The following PREP variants were observed in gnomAD, a reference collection of about 807,000 sequenced individuals.
PREP encodes the protein prolyl endopeptidase.
A neutral mutation model predicts 87.6 loss-of-function variants in PREP; 29 were observed. The observed-to-expected ratio is 0.33, with a 90% CI of 0.25 to 0.45. The LOEUF is 0.45. Ranked by LOEUF, PREP falls within the 20% of genes least tolerant of loss-of-function variation. PREP has a pLI of 1.00. For synonymous variants in PREP, 337 were observed against 328.6 expected, an observed-to-expected ratio of 1.03 and a Z score of -0.28; for missense variants, 695 against 886.5, an observed-to-expected ratio of 0.78 and a Z score of 2.74.
intron 10 of PREP, among the ~76,000 whole-genome samples, chr6:105,307,030 T>C (rs1295360383): frequency 6.6e-6 from 1 of 152,210 alleles, no homozygotes; most frequent in Non-Finnish European, 1.5e-5. Context: ...TTTGGAAAGC[T>C]TTTAGACAAG....
chr6:105,330,238 T>C (rs1301208718), intron 8 of PREP, among the ~76,000 whole-genome samples: 1 of 152,142 alleles, frequency 6.6e-6, no homozygotes, highest in Non-Finnish European at 1.5e-5. Context: ...AGGATGCACG[T>C]GTCTAACAGC....
intron 2 of PREP, among the ~76,000 whole-genome samples, chr6:105,379,368 T>C (rs1442137006): frequency 6.6e-6 from 1 of 152,218 alleles, no homozygotes; most frequent in East Asian, 1.9e-4. Flanking sequence ...ATTAAAAACA[T>C]CAAGGAGGAA....
rs1769898859 is a variant in PREP at position 105,274,613 on chromosome 6, A to G, written c.*3531T>C. Among the ~76,000 whole-genome samples, 1 of 152,122 alleles carries G rather than the reference A, an allele frequency of 6.6e-6. No homozygotes were observed. ...AAACCCCATCTCTACTAAAAATACA[A>G]AAAGATTAGCCGGGAATGATGGTAT... On this transcript the variant is annotated 3_prime_UTR_variant, in exon 15 of 15. Coordinates refer to ENST00000652536, the MANE Select transcript of PREP (RefSeq NM_002726.5).
At chr6:105,317,517 A>G (rs1236800354) in intron 10 of PREP, among the ~76,000 whole-genome samples, 2 of 152,234 alleles carry the variant, frequency 1.3e-5, no homozygotes, top group Non-Finnish European at 2.9e-5. Flanking sequence ...TCCTGAGGCC[A>G]GAATCATATT....
intron 10 of PREP, among the ~76,000 whole-genome samples, chr6:105,321,495 AG>A (rs1207978629): frequency 3.3e-5 from 5 of 152,186 alleles, no homozygotes; most frequent in Admixed American, 6.5e-5. Context: ...TGTGGCTGTT[AG>A]GTTTGTATTC....
At chr6:105,379,114 T>C (rs942931697) in intron 2 of PREP, among the ~76,000 whole-genome samples, 15 of 152,238 alleles carry the variant, frequency 9.9e-5, no homozygotes, top group African/African-American at 3.4e-4. Flanking sequence ...ACAGGTCACA[T>C]TTCTGATTTC....
At chr6:105,349,673 G>T (rs1479932796) in intron 7 of PREP, among the ~76,000 whole-genome samples, 1 of 151,866 alleles carries the variant, frequency 6.6e-6, no homozygotes, top group African/African-American at 2.4e-5. Context: ...GGCTTTAAGG[G>T]AAAACAGCTT....
rs559358603 is a variant in PREP, at chr6:105,402,545, C to G, written c.45+302G>C. Among the ~76,000 whole-genome samples the G allele has an allele frequency of 2.0e-5, 3 of 152,332 alleles. No homozygotes were observed. The East Asian group carries it at 5.8e-4, about 29-fold the overall frequency. Reference sequence around the variant, plus strand: ...AAAGCAGTGACACCGTCTGTCTTCCCACTCCCTGAAGACACCCATTCTACC... The same window carrying G: ...AAAGCAGTGACACCGTCTGTCTTCCGACTCCCTGAAGACACCCATTCTACC... On this transcript the variant is annotated intron_variant, in intron 1 of 14. Transcript: ENST00000652536.
At chr6:105,312,275 A>T (rs1223292511) in intron 10 of PREP, among the ~76,000 whole-genome samples, 2 of 152,220 alleles carry the variant, frequency 1.3e-5, no homozygotes. Context: ...AGGCATATGT[A>T]TACAAATGTA....
intron 10 of PREP, among the ~76,000 whole-genome samples, chr6:105,316,009 T>A (rs188422512): frequency 1.3e-5 from 2 of 152,184 alleles, no homozygotes; most frequent in East Asian, 3.8e-4. Flanking sequence ...GCAATAAGGC[T>A]GTTTTGCTTT....
intron 10 of PREP, among the ~76,000 whole-genome samples, chr6:105,297,826 C>T (rs200097509): frequency 6.6e-6 from 1 of 151,886 alleles, no homozygotes; most frequent in East Asian, 1.9e-4. Context: ...CTGGACCTGG[C>T]ACCCCCTTTC....
chr6:105,351,105 G>A (rs946447385), intron 7 of PREP, among the ~76,000 whole-genome samples: 1 of 152,190 alleles, frequency 6.6e-6, no homozygotes, highest in Admixed American at 6.5e-5. Flanking sequence ...ACTTGGCTAG[G>A]CTAGTATGCC....
rs1212076820 is a variant in PREP at position 105,365,395 on chromosome 6, C to T, written c.717+3508G>A. ...CAGTGCACCTGCTTCTTGGACTCCC[C>T]TGGCTTTATCACACTTCTTGAAGGG... On this transcript the variant is annotated intron_variant, in intron 6 of 14. Coordinates refer to ENST00000652536, the MANE Select transcript of PREP (RefSeq NM_002726.5). Among the ~76,000 whole-genome samples the T allele has an allele frequency of 1.3e-5, 2 of 152,224 alleles. 1 individual carries two copies. Among genetic ancestry groups the T allele is most frequent in the East Asian group, 3.8e-4 (2 of 5,200 alleles).
At chr6:105,284,067 G>T (rs1583034492) in intron 12 of PREP, among the ~76,000 whole-genome samples, 1 of 152,210 alleles carries the variant, frequency 6.6e-6, no homozygotes, top group African/African-American at 2.4e-5. Context: ...ACATATTTGG[G>T]ATCAAACATA....
intron 2 of PREP, among the ~76,000 whole-genome samples, chr6:105,389,770 G>T (rs1027878868): frequency 1.3e-5 from 2 of 152,052 alleles, no homozygotes; most frequent in Non-Finnish European, 2.9e-5. Context: ...TCTGGATCCG[G>T]GCTAGGGAAA....
intron 6 of PREP, among the ~76,000 whole-genome samples, chr6:105,356,213 C>A (rs538126308): frequency 6.6e-6 from 1 of 152,254 alleles, no homozygotes. Flanking sequence ...ATTGGCGGAT[C>A]AGCTTGATCC....
Position 105,402,846 on chromosome 6 carries a change from C to T in PREP, c.45+1G>A. 1 of 1,543,444 alleles carries T rather than the reference C, an allele frequency of 6.5e-7. No individual in the cohort carries two copies. The highest frequency in any genetic ancestry group is 8.7e-7 in the Non-Finnish European group (1 of 1,142,894). ...CTCTGGGCGGAGGCAGAGATACTTA[C>T]GGCGGTCTCGTCGCGGTACACGTCG... On this transcript the variant is annotated splice_donor_variant, in intron 1 of 14. Transcript: ENST00000652536. LOFTEE classifies it high-confidence loss of function.
At chr6:105,363,753 T>G (rs1772310976) in intron 6 of PREP, among the ~76,000 whole-genome samples, 2 of 152,010 alleles carry the variant, frequency 1.3e-5, no homozygotes, top group African/African-American at 2.4e-5. Context: ...TGAGACATCT[T>G]GAAAGGTCCC....
At chr6:105,379,145 T>C (rs1261875640) in intron 2 of PREP, among the ~76,000 whole-genome samples, 1 of 152,170 alleles carries the variant, frequency 6.6e-6, no homozygotes, top group Non-Finnish European at 1.5e-5. Context: ...AAAATAAAAT[T>C]TACTGAGTCC....
Sources: allele counts gnomAD v4.1 joint callset (sites outside exome capture counted in the v4.1 genomes callset), GRCh38; gene constraint gnomAD v4.1.1; transcripts MANE v1.5; gene names NCBI Gene and HGNC (gene_info 2026-07-23, HGNC 2026-07-21).